The following CTNNA2 variants were observed in gnomAD, a reference collection of about 807,000 sequenced individuals.
CTNNA2 encodes the protein catenin alpha 2.
CTNNA2 carries 42 observed loss-of-function variants against 101.0 expected under a neutral mutation model. The observed-to-expected ratio is 0.42, with a 90% CI of 0.32 to 0.54. CTNNA2 has a LOEUF of 0.54. Ranked by LOEUF, CTNNA2 falls within the 20% of genes least tolerant of loss-of-function variation. The pLI is 0.14. For missense variants in CTNNA2, 871 were observed against 1,223.1 expected, an observed-to-expected ratio of 0.71 and a Z score of 4.29; for synonymous variants, 450 against 456.4, an observed-to-expected ratio of 0.99 and a Z score of 0.18.
chr2:79,491,695 A>G (rs554002422), intron 4 of CTNNA2, among the ~76,000 whole-genome samples: 9 of 152,272 alleles, frequency 5.9e-5, no homozygotes, highest in African/African-American at 1.2e-4. Flanking sequence ...TCAGGATCAC[A>G]TCACTGTAGA....
rs562867006 is a variant in CTNNA2, at chr2:80,014,961, G to A, written c.1056+105164G>A. Among the ~76,000 whole-genome samples, 5 of 152,250 alleles carry A rather than the reference G, an allele frequency of 3.3e-5. No individual in the cohort carries two copies. In the South Asian group the frequency reaches 8.3e-4, roughly 25 times the overall value. On this transcript the variant is annotated intron_variant, in intron 7 of 18. Coordinates refer to ENST00000402739, the MANE Select transcript of CTNNA2 (RefSeq NM_001282597.3). ...GGAATCTGGAGATGCCATGATGTGG[G>A]GTGGTCAAAATTATCTCTAGGTTTT...
intron 2 of CTNNA2, among the ~76,000 whole-genome samples, chr2:79,246,178 T>C (rs1302081707): frequency 6.6e-6 from 1 of 152,226 alleles, no homozygotes; most frequent in Admixed American, 6.5e-5. Flanking sequence ...ATAAGTCTTT[T>C]ACCATTGCTG....
At chr2:79,580,142 C>T (rs893715551) in intron 1 of CTNNA2, among the ~76,000 whole-genome samples, 3 of 151,972 alleles carry the variant, frequency 2.0e-5, no homozygotes, top group Non-Finnish European at 4.4e-5. Flanking sequence ...TTTTTAGGAT[C>T]TATTTCTTGA....
intron 2 of CTNNA2, among the ~76,000 whole-genome samples, chr2:79,271,480 G>A (rs568565819): frequency 1.2e-4 from 19 of 152,200 alleles, no homozygotes; most frequent in African/African-American, 3.4e-4. Flanking sequence ...TCAGAGTGGC[G>A]AGGAAATAAC....
chr2:79,377,329 CTA>C (rs1266674104), intron 4 of CTNNA2, among the ~76,000 whole-genome samples: 1 of 152,170 alleles, frequency 6.6e-6, no homozygotes, highest in Admixed American at 6.5e-5. Context: ...TAGAAAGACA[CTA>C]TGCTGAACAA....
intron 3 of CTNNA2, among the ~76,000 whole-genome samples, chr2:79,334,737 G>C (rs922258925): frequency 2.0e-5 from 3 of 152,116 alleles, no homozygotes; most frequent in Non-Finnish European, 4.4e-5. Context: ...ATGTGATCTG[G>C]CAAGGAGAGA....
chr2:80,420,426 A>G (rs1462859401), intron 9 of CTNNA2, among the ~76,000 whole-genome samples: 1 of 152,170 alleles, frequency 6.6e-6, no homozygotes, highest in Admixed American at 6.5e-5. Context: ...GGGCCAGGTT[A>G]AACTTTTACA....
chr2:79,869,619 C>T (rs1470821660), intron 4 of CTNNA2, among the ~76,000 whole-genome samples, 197 bp from the exon 5 acceptor site: 3 of 152,048 alleles, frequency 2.0e-5, no homozygotes, highest in African/African-American at 7.2e-5. Context: ...TTTTTATATA[C>T]AAAATATTTT....
intron 6 of CTNNA2, among the ~76,000 whole-genome samples, chr2:79,902,835 C>T (rs1685154867): frequency 6.6e-6 from 1 of 152,062 alleles, no homozygotes; most frequent in South Asian, 2.1e-4. Context: ...CCATATTGGC[C>T]AGGCTGGTCT....
intron 2 of CTNNA2, among the ~76,000 whole-genome samples, chr2:79,204,649 T>TA (rs1233017802): frequency 6.6e-6 from 1 of 152,218 alleles, no homozygotes; most frequent in Admixed American, 6.5e-5. Flanking sequence ...AATTTATTTT[T>TA]AAAAAATAGA....
chr2:79,459,738 T>TAAATTTAATATATTTA (rs1393534601), intron 4 of CTNNA2, among the ~76,000 whole-genome samples: 3 of 152,188 alleles, frequency 2.0e-5, no homozygotes, highest in Non-Finnish European at 4.4e-5. Context: ...TCTTTAGCAT[T>TAAATTTAATATATTTA]GGTCCTTTTG....
Position 79,575,997 on chromosome 2 carries a change from G to C in CTNNA2, c.-6+62790G>C, listed in dbSNP as rs559260890. Reference sequence around the variant, plus strand: ...ATATTAGTCTAAAGCGGTTAGCCCAGTGACTGGCTCTTAGGTATCTGGACT... The same window carrying C: ...ATATTAGTCTAAAGCGGTTAGCCCACTGACTGGCTCTTAGGTATCTGGACT... On this transcript the variant is annotated intron_variant, in intron 1 of 18. Transcript: ENST00000402739. Among the ~76,000 whole-genome samples the C allele has an allele frequency of 1.5e-4, 23 of 152,290 alleles. 1 individual carries two copies. The highest frequency in any genetic ancestry group is 5.3e-4 in the African/African-American group (22 of 41,570).
intron 1 of CTNNA2, among the ~76,000 whole-genome samples, chr2:79,590,687 T>C (rs2103978828): frequency 6.6e-6 from 1 of 152,342 alleles, no homozygotes; most frequent in East Asian, 1.9e-4. Context: ...CCTGTTTATA[T>C]GAAATATTGG....
At chr2:79,648,550 T>G (rs566697102) in intron 1 of CTNNA2, among the ~76,000 whole-genome samples, 1 of 152,260 alleles carries the variant, frequency 6.6e-6, no homozygotes, top group African/African-American at 2.4e-5. Flanking sequence ...TGGGAATACT[T>G]TTTCTAGAAA....
chr2:80,449,664 G>T lies in CTNNA2; in HGVS notation c.1290+30063G>T, dbSNP rs192167658. On this transcript the variant is annotated intron_variant, in intron 9 of 18. Transcript: ENST00000402739. ...TCTTAGAACTCCATACATTAGAATG[G>T]CTGTGGAATTATCCAGTGATCAATA... Among the ~76,000 whole-genome samples the T allele has an allele frequency of 3.8e-4, 58 of 152,258 alleles. 1 individual carries two copies. The highest frequency in any genetic ancestry group is 3.2e-3 in the Admixed American group (49 of 15,298).
chr2:79,766,807 G>A (rs1440892813), intron 3 of CTNNA2, among the ~76,000 whole-genome samples: 1 of 151,644 alleles, frequency 6.6e-6, no homozygotes, highest in Admixed American at 6.6e-5. Context: ...CCAGGCTGGA[G>A]TGCAGCGGCA....
intron 7 of CTNNA2, among the ~76,000 whole-genome samples, chr2:80,058,314 G>C (rs758282821): frequency 6.6e-6 from 1 of 152,138 alleles, no homozygotes; most frequent in African/African-American, 2.4e-5. Context: ...AAGATCATAC[G>C]TAGTTTTCAT....
intron 7 of CTNNA2, among the ~76,000 whole-genome samples, chr2:80,247,893 A>C (rs2149101101): frequency 6.6e-6 from 1 of 152,338 alleles, no homozygotes; most frequent in East Asian, 1.9e-4. Flanking sequence ...GAAACCCAGA[A>C]TAAATATCCC....
intron 7 of CTNNA2, among the ~76,000 whole-genome samples, chr2:80,183,189 C>T (rs1274148438): frequency 2.0e-5 from 3 of 152,250 alleles, no homozygotes; most frequent in East Asian, 3.9e-4. Flanking sequence ...CAACCTCTCC[C>T]TCACCAGCAT....
Sources: allele counts gnomAD v4.1 joint callset (sites outside exome capture counted in the v4.1 genomes callset), GRCh38; gene constraint gnomAD v4.1.1; transcripts MANE v1.5; gene names NCBI Gene and HGNC (gene_info 2026-07-23, HGNC 2026-07-21).